FAM170B: variants seen among roughly 807,000 people sequenced by gnomAD.
FAM170B encodes the protein protein FAM170B.
In FAM170B, 4 loss-of-function variants were observed where a neutral mutation model predicts 3.9. That is an observed-to-expected ratio of 1.01 (90% CI 0.50 to 2.32). The LOEUF is 2.32. Among genes scored for constraint, FAM170B ranks in the 30% most tolerant of loss-of-function variants. The pLI is 0.02. For synonymous variants in FAM170B, 163 were observed against 149.8 expected (o/e 1.09, Z -0.64); for missense variants, 417 against 368.6 (o/e 1.13, Z -1.07).
Position 49,134,021 on chromosome 10 carries a change from T to A in FAM170B, c.-103A>T. 1 of 845,758 alleles carries A rather than the reference T, an allele frequency of 1.2e-6. No homozygotes were observed. Among genetic ancestry groups the A allele is most frequent in the Non-Finnish European group, 2.0e-6 (1 of 511,522 alleles). 52.4% of individuals were successfully genotyped at this position (845,758 alleles called of 1,614,324 possible). A position where few individuals can be genotyped will look rare whatever the true frequency, so the allele number is the denominator to read the frequency against. ...AGCTGGCCCCAGCCAGAGTGGACAC[T>A]GAGCTCCCCATGGTCGCTAAGATCC... On this transcript the variant is annotated 5_prime_UTR_variant, in exon 1 of 2. Transcript: ENST00000311787.
In FAM170B at chr10:49,131,500, C is replaced by T. The variant is rs1845180595; in HGVS notation, c.*113G>A. 7.1e-7 allele frequency: 1 copy of T among 1,403,262 alleles called. No individual in the cohort carries two copies. The highest frequency in any genetic ancestry group is 9.4e-7 in the Non-Finnish European group (1 of 1,066,142). The allele number at this position is 1,403,262 out of a possible 1,614,324, so 86.9% of individuals were successfully genotyped here. The stretch of plus-strand genomic sequence containing the variant: ...TGCTCTACACTCCATGCCTTTCCTT[C>T]CCCCTGACCCTGGTCCTCTCTCCCT... On this transcript the variant is annotated 3_prime_UTR_variant, in exon 2 of 2. Coordinates refer to ENST00000311787, the MANE Select transcript of FAM170B (RefSeq NM_001164484.2).
At position 49,133,956 on chromosome 10, in the gene FAM170B, T is replaced by G. The variant is rs761691704; in HGVS notation, c.-38A>C. ...GTGCCCAGGGTGTCGGTGCTCCAGC[T>G]GTTCAGTGAGAGTTGGCTGGGGCTG... On this transcript the variant is annotated 5_prime_UTR_variant, in exon 1 of 2. Transcript: ENST00000311787. 4.6e-5 allele frequency: 70 copies of G among 1,510,834 alleles called. No individual in the cohort carries two copies. Among genetic ancestry groups the G allele is most frequent in the Non-Finnish European group, 5.9e-5 (65 of 1,109,742 alleles). The allele number at this position is 1,510,834 out of a possible 1,614,324, so 93.6% of individuals were successfully genotyped here.
chr10:49,131,676 G>C lies in FAM170B; in HGVS notation c.789C>G (p.Asp263Glu), dbSNP rs917935362. 9.7e-6 allele frequency: 15 copies of C among 1,551,660 alleles called. 1 individual carries two copies. The highest frequency in any genetic ancestry group is 1.3e-5 in the Non-Finnish European group (15 of 1,147,020). Residue 263 changes from aspartate (D) to glutamate (E), a missense_variant, in exon 2 of 2, where the codon GAC becomes GAG. By Grantham distance (45) the Asp-to-Glu change is conservative. Transcript: ENST00000311787. ...QQLEEEQSPSDNSECSRPQGE... is the reference protein window; with the variant it reads ...QQLEEEQSPSENSECSRPQGE... ...CCTGGGGCCGGGAACATTCGCTGTT[G>C]TCTGAAGGACTCTGCTCCTCCTCCA...
At position 49,132,047 on chromosome 10, in the gene FAM170B, CATGG is replaced by C; in HGVS notation, c.414_417del (p.Ile138MetfsTer42). The C allele has an allele frequency of 1.3e-6, 2 of 1,551,778 alleles. No individual in the cohort carries two copies. ...CTCTGCCTCTTGATGAACTGGGCTT[CATGG>C]ATGCGGGGCTTCCTGGTGACCGGCT... On this transcript the variant is annotated frameshift_variant, in exon 2 of 2. Transcript: ENST00000311787. LOFTEE classifies it low-confidence loss of function (END_TRUNC).
chr10:49,132,995 T>C (rs1448441782), intron 1 of FAM170B, among the ~76,000 whole-genome samples: 1 of 152,124 alleles, frequency 6.6e-6, no homozygotes, highest in Non-Finnish European at 1.5e-5. Context: ...ACAAGGGGAC[T>C]TTTAGGGGTT....
chr10:49,132,500 G>GCAGGCATTATCACCATCTTC, intron 1 of FAM170B, 148 bp from the exon 2 acceptor site: 2 of 864,004 alleles, frequency 2.3e-6, no homozygotes, highest in Non-Finnish European at 3.4e-6. Flanking sequence ...AAAAAATGAA[G>GCAGGCATTATCACCATCTTC]ATGGTGATAA....
At position 49,131,869 on chromosome 10, in the gene FAM170B, G is replaced by GT; in HGVS notation, c.595dup (p.Thr199AsnfsTer40). 1 of 1,546,310 alleles carries GT rather than the reference G, an allele frequency of 6.5e-7. No individual in the cohort carries two copies. Among genetic ancestry groups the GT allele is most frequent in the Non-Finnish European group, 8.7e-7 (1 of 1,146,870 alleles). On this transcript the variant is annotated frameshift_variant, in exon 2 of 2. Transcript: ENST00000311787. LOFTEE classifies it low-confidence loss of function (END_TRUNC). The stretch of plus-strand genomic sequence containing the variant: ...CACGCAGCGCACCCCGTAGTTGGTG[G>GT]TGACCAGCCAGTCCGGCGGCTCCCG...
chr10:49,133,782 C>A, intron 1 of FAM170B, 25 bp downstream of exon 1: 1 of 1,544,864 alleles, frequency 6.5e-7, no homozygotes, highest in Non-Finnish European at 8.8e-7. Flanking sequence ...GCTGGCTGAC[C>A]TTCCAGGCCT....
At position 49,132,095 on chromosome 10, in the gene FAM170B, C is replaced by T; in HGVS notation, c.370G>A (p.Glu124Lys). ...ACCGGCTCGAAGCCGGCCTCCGTCT[C>T]CCAGGCCACAGCCACACCCCGCACA... ...QTVRGVAVAW[E>K]TEAGFEPVTR... is the part of the protein sequence containing the mutation. The change falls in exon 2 of 2, where the codon GAG (glutamate) becomes AAG (lysine). Residue 124 changes from glutamate to lysine, a missense_variant. Physicochemically the swap from Glu to Lys is moderately conservative, Grantham distance 56. Coordinates refer to ENST00000311787, the MANE Select transcript of FAM170B (RefSeq NM_001164484.2). 1 of 1,551,744 alleles carries T rather than the reference C, an allele frequency of 6.4e-7. No individual in the cohort carries two copies. The highest frequency in any genetic ancestry group is 8.7e-7 in the Non-Finnish European group (1 of 1,147,002).
Position 49,131,754 on chromosome 10 carries a change from A to G in FAM170B, c.711T>C (p.Phe237=). ...IREGFSCQIF[F]EEMLERRRAQ... ...CCCGCCTTCTCTCCAGCATCTCCTC[A>G]AAAAAGATCTGACAGCTGAAGCCCT... The change falls in exon 2 of 2, where the codon TTT becomes TTC. Residue 237 remains phenylalanine, a synonymous_variant. Coordinates refer to ENST00000311787, the MANE Select transcript of FAM170B (RefSeq NM_001164484.2). 6.4e-7 allele frequency: 1 copy of G among 1,551,560 alleles called. No homozygotes were observed.
rs1056391382 is a variant in FAM170B at position 49,131,224 on chromosome 10, G to C, written c.*389C>G. 1.6e-5 allele frequency: 3 copies of C among 190,324 alleles called. No homozygotes were observed. The highest frequency in any genetic ancestry group is 3.3e-5 in the Non-Finnish European group (3 of 92,008). The allele number at this position is 190,324 out of a possible 1,614,324, so 11.8% of individuals were successfully genotyped here. On this transcript the variant is annotated 3_prime_UTR_variant, in exon 2 of 2. Coordinates refer to ENST00000311787, the MANE Select transcript of FAM170B (RefSeq NM_001164484.2). ...TAGGGCATATGACAGATTTGTAATA[G>C]TGAAAAAAATAGGGCTGGAGAGTAA... is the stretch of plus-strand genomic sequence containing the variant.
intron 1 of FAM170B, 76 bp from the exon 2 acceptor site, chr10:49,132,428 T>C: frequency 7.0e-7 from 1 of 1,425,406 alleles, no homozygotes; most frequent in Non-Finnish European, 9.2e-7. Context: ...AGCCGCAGAC[T>C]CTGAAAGGGT....
chr10:49,132,322 C>G lies in FAM170B; in HGVS notation c.143G>C (p.Arg48Pro), dbSNP rs1233857762. The G allele has an allele frequency of 1.9e-5, 30 of 1,549,080 alleles. No homozygotes were observed. The highest frequency in any genetic ancestry group is 2.6e-6 in the Non-Finnish European group (3 of 1,146,358). Reference sequence around the variant, plus strand: ...CTCCCGGGGAATGGCAGGCCCCGGCCGTGGGGACGACCCTTCTCTCTGTAT... The same window carrying G: ...CTCCCGGGGAATGGCAGGCCCCGGCGGTGGGGACGACCCTTCTCTCTGTAT... ...GTIQREGSSP[R>P]PGPAIPREEG... Residue 48 changes from arginine (R) to proline (P), a missense_variant, in exon 2 of 2, where the codon CGG becomes CCG. Transcript: ENST00000311787.
chr10:49,132,633 G>A (rs1347996732), intron 1 of FAM170B, among the ~76,000 whole-genome samples: 2 of 152,122 alleles, frequency 1.3e-5, no homozygotes, highest in Admixed American at 1.3e-4. Flanking sequence ...TTAGGGATAT[G>A]ATGATAAGGA....
chr10:49,131,380 C>G lies in FAM170B; in HGVS notation c.*233G>C. The G allele has an allele frequency of 1.9e-6, 1 of 518,702 alleles. No individual in the cohort carries two copies. The highest frequency in any genetic ancestry group is 4.0e-5 in the South Asian group (1 of 24,746). 32.1% of individuals were successfully genotyped at this position (518,702 alleles called of 1,614,324 possible). A position where few individuals can be genotyped will look rare whatever the true frequency, so the allele number is the denominator to read the frequency against. ...GATGTTGTGCCTGCCATCAGAAACA[C>G]TCAAAGCCCTCTCGTTTGGGTTTTG... On this transcript the variant is annotated 3_prime_UTR_variant, in exon 2 of 2. Coordinates refer to ENST00000311787, the MANE Select transcript of FAM170B (RefSeq NM_001164484.2).
intron 1 of FAM170B, 86 bp from the exon 2 acceptor site, chr10:49,132,438 T>C: frequency 7.1e-7 from 1 of 1,404,996 alleles, no homozygotes. Context: ...TCTGAAAGGG[T>C]ACAGGCTCTG....
In FAM170B at chr10:49,131,686, C is replaced by G; in HGVS notation, c.779G>C (p.Ser260Thr). 1 of 1,551,788 alleles carries G rather than the reference C, an allele frequency of 6.4e-7. No individual in the cohort carries two copies. The highest frequency in any genetic ancestry group is 8.7e-7 in the Non-Finnish European group (1 of 1,147,016). ...GGAACATTCGCTGTTGTCTGAAGGA[C>G]TCTGCTCCTCCTCCAGCTGTTGGTC... The part of the protein sequence containing the change: ...AHDQQLEEEQ[S>T]PSDNSECSRP... Residue 260 changes from serine (S) to threonine (T), a missense_variant, in exon 2 of 2, where the codon AGT becomes ACT. Coordinates refer to ENST00000311787, the MANE Select transcript of FAM170B (RefSeq NM_001164484.2).
rs1218585909 is a variant in FAM170B, at chr10:49,133,883, CTGT to C, written c.33_35del (p.Gln12del). 1 of 1,551,708 alleles carries C rather than the reference CTGT, an allele frequency of 6.4e-7. No homozygotes were observed. The highest frequency in any genetic ancestry group is 8.7e-7 in the Non-Finnish European group (1 of 1,146,984). On this transcript the variant is annotated inframe_deletion, in exon 1 of 2. Transcript: ENST00000311787. ...TGAGGGTGGTCCCATCGGTGGGTGA[CTGT>C]TCTCCCCTGTGATCTGTGAAGTAGC...
chr10:49,131,852 G>T lies in FAM170B; in HGVS notation c.613C>A (p.Arg205Ser). 1 of 1,546,038 alleles carries T rather than the reference G, an allele frequency of 6.5e-7. No individual in the cohort carries two copies. The highest frequency in any genetic ancestry group is 8.7e-7 in the Non-Finnish European group (1 of 1,146,854). The change falls in exon 2 of 2, where the codon CGC becomes AGC. Residue 205 changes from arginine to serine, a missense_variant. Physicochemically the swap from Arg to Ser is moderately radical, Grantham distance 110. Coordinates refer to ENST00000311787, the MANE Select transcript of FAM170B (RefSeq NM_001164484.2). ...AAGACCCTGCAGCAGGCCACGCAGC[G>T]CACCCCGTAGTTGGTGGTGACCAGC... Reference protein sequence around the residue: ...DWLVTTNYGVRCVACCRVLPS... With the variant: ...DWLVTTNYGVSCVACCRVLPS...
Sources: allele counts gnomAD v4.1 joint callset (sites outside exome capture counted in the v4.1 genomes callset), GRCh38; gene constraint gnomAD v4.1.1; transcripts MANE v1.5; gene names NCBI Gene and HGNC (gene_info 2026-07-23, HGNC 2026-07-21).